Variants in GAGE10 observed in about 807,000 individuals in gnomAD.
The protein encoded by GAGE10 is G antigen 10.
In GAGE10, 9 loss-of-function variants were observed where a neutral mutation model predicts 11.5. The observed-to-expected ratio is 0.78, with a 90% CI of 0.47 to 1.37. The LOEUF (loss-of-function observed/expected upper bound fraction) is 1.37. Ranked by LOEUF, GAGE10 falls within the 40% of genes most tolerant of loss-of-function variation. The pLI, the probability that GAGE10 is intolerant of heterozygous loss-of-function variation, is 0.00. For synonymous variants in GAGE10, 23 were observed against 29.7 expected, an observed-to-expected ratio of 0.77 and a Z score of 0.73; for missense variants, 83 against 92.9, an observed-to-expected ratio of 0.89 and a Z score of 0.44.
intron 3 of GAGE10, among the ~76,000 whole-genome samples, chrX:49,313,436 C>T (rs1416389636): frequency 8.9e-6 from 1 of 111,943 alleles, no homozygotes. Flanking sequence ...AGGCCACCCC[C>T]AATTATTAAT....
intron 1 of GAGE10, 104 bp from the exon 2 acceptor site, chrX:49,304,748 G>A: frequency 4.9e-6 from 5 of 1,015,713 alleles, no homozygotes; most frequent in Non-Finnish European, 5.5e-6. Flanking sequence ...TATTTTGAAA[G>A]TATTTTCAAA....
rs184315146 is a variant in GAGE10 at position 49,304,672 on chromosome X, T to C, written c.-8-180T>C. On this transcript the variant is annotated intron_variant, in intron 1 of 4. Coordinates refer to ENST00000407599, the MANE Select transcript of GAGE10 (RefSeq NM_001098413.4). ...GCCTTAAGATGATTGCTCTGCCAGC[T>C]TGGCCAGCATAAGTGGCTTTGTAGG... is the stretch of plus-strand genomic sequence containing the variant. 9.8e-5 allele frequency among the ~76,000 whole-genome samples: 11 copies of C among 112,024 alleles called. No individual in the cohort carries two copies. The East Asian group carries it at 2.2e-3, about 23-fold the overall frequency.
intron 3 of GAGE10, among the ~76,000 whole-genome samples, chrX:49,309,881 C>T (rs782141360): frequency 1.8e-4 from 20 of 112,159 alleles, no homozygotes; most frequent in African/African-American, 5.8e-4. Context: ...CAGGTCTGGC[C>T]ATGCCGAAGT....
chrX:49,315,157 G>C (rs1656142896), intron 3 of GAGE10, among the ~76,000 whole-genome samples: 1 of 112,008 alleles, frequency 8.9e-6, no homozygotes, highest in African/African-American at 3.3e-5. Context: ...GCCTATATTG[G>C]ATCTGTGGCA....
At chrX:49,308,973 G>A (rs1258050033) in intron 3 of GAGE10, among the ~76,000 whole-genome samples, 2 of 112,379 alleles carry the variant, frequency 1.8e-5, no homozygotes, top group Non-Finnish European at 3.8e-5. Flanking sequence ...AGGCCAATGC[G>A]GGGAGTGACG....
At position 49,304,870 on chromosome X, in the gene GAGE10, G is replaced by A; in HGVS notation, c.11G>A (p.Arg4Gln). The change falls in exon 2 of 5, where the codon CGA becomes CAA. Residue 4 changes from arginine (R) to glutamine (Q), a missense_variant. Coordinates refer to ENST00000407599, the MANE Select transcript of GAGE10 (RefSeq NM_001098413.4). ...TTTTCAGTGTGAAATATGAGTTGGCGAGGAAGATCGACCTATCGGCCTAGA... is the reference window on the plus strand; with the variant it reads ...TTTTCAGTGTGAAATATGAGTTGGCAAGGAAGATCGACCTATCGGCCTAGA... The part of the protein sequence containing the change: MSW[R>Q]GRSTYRPRPR... 2.5e-6 allele frequency: 3 copies of A among 1,208,141 alleles called. No individual in the cohort carries two copies. The highest frequency in any genetic ancestry group is 2.2e-5 in the Admixed American group (1 of 46,131).
chrX:49,315,482 A>G (rs1426059404), intron 3 of GAGE10, among the ~76,000 whole-genome samples: 3 of 111,948 alleles, frequency 2.7e-5, no homozygotes, highest in Non-Finnish European at 3.8e-5. Flanking sequence ...CAACTGCGTC[A>G]TAAGGTTGCA....
At chrX:49,304,551 C>G (rs1296824564) in intron 1 of GAGE10, among the ~76,000 whole-genome samples, 2 of 111,720 alleles carry the variant, frequency 1.8e-5, no homozygotes, top group African/African-American at 3.3e-5. Context: ...CTGCAGTGAG[C>G]TGTGATCACG....
chrX:49,304,260 C>T (rs781837003), intron 1 of GAGE10, among the ~76,000 whole-genome samples: 1 of 112,207 alleles, frequency 8.9e-6, no homozygotes, highest in Admixed American at 9.4e-5. Flanking sequence ...CAAGATCTCA[C>T]CTCCGCCATG....
rs782782853 is a variant in GAGE10 at position 49,304,943 on chromosome X, G to A, written c.81+3G>A. The A allele has an allele frequency of 2.0e-5, 24 of 1,199,670 alleles. No individual in the cohort carries two copies. Among genetic ancestry groups the A allele is most frequent in the South Asian group, 1.8e-4 (10 of 55,967 alleles). The stretch of plus-strand genomic sequence containing the variant: ...CTGAAATGATTGGGCCTATGCTGGT[G>A]AGTGCTTAAACGTTAATTCGTTGTT... On this transcript the variant is annotated splice_donor_region_variant and intron_variant, in intron 2 of 4. Transcript: ENST00000407599.
chrX:49,315,521 G>A (rs1169389026), intron 3 of GAGE10, among the ~76,000 whole-genome samples: 1 of 111,705 alleles, frequency 9.0e-6, no homozygotes, highest in African/African-American at 3.3e-5. Flanking sequence ...AACCAATGAA[G>A]CATCAAGGGC....
At chrX:49,312,641 G>C (rs1411706171) in intron 3 of GAGE10, among the ~76,000 whole-genome samples, 1 of 112,594 alleles carries the variant, frequency 8.9e-6, no homozygotes, top group African/African-American at 3.2e-5. Context: ...TCCTTATAGA[G>C]CCCCCTTTAT....
chrX:49,312,241 C>T (rs1344490094), intron 3 of GAGE10, among the ~76,000 whole-genome samples: 5 of 112,365 alleles, frequency 4.4e-5, no homozygotes, highest in Non-Finnish European at 9.4e-5. Context: ...ACCCAATACT[C>T]GGTGGTTGAG....
chrX:49,316,898 A>G (rs1400467600), intron 3 of GAGE10, among the ~76,000 whole-genome samples: 1 of 111,307 alleles, frequency 9.0e-6, no homozygotes, highest in Non-Finnish European at 1.9e-5. Context: ...AAGGACAATC[A>G]GAGGTAGAAT....
intron 3 of GAGE10, among the ~76,000 whole-genome samples, chrX:49,307,786 AG>A (rs2066362790): frequency 8.9e-6 from 1 of 112,680 alleles, no homozygotes; most frequent in Non-Finnish European, 1.9e-5. Context: ...GTGATGGAAC[AG>A]GAATTAAAAG....
At chrX:49,316,505 T>C in intron 3 of GAGE10, among the ~76,000 whole-genome samples, 1 of 111,442 alleles carries the variant, frequency 9.0e-6, no homozygotes, top group East Asian at 2.8e-4. Flanking sequence ...CTCAACCCCT[T>C]GGTCTCTCTG....
At chrX:49,308,196 C>T (rs1421747986) in intron 3 of GAGE10, among the ~76,000 whole-genome samples, 2 of 112,314 alleles carry the variant, frequency 1.8e-5, no homozygotes, top group Non-Finnish European at 3.8e-5. Context: ...CTGACTAGGT[C>T]GGTGCATCTA....
In GAGE10 at chrX:49,317,159, T is replaced by C; in HGVS notation, c.203-4T>C. 1.7e-6 allele frequency: 2 copies of C among 1,200,994 alleles called. No individual in the cohort carries two copies. On this transcript the variant is annotated splice_polypyrimidine_tract_variant and splice_region_variant and intron_variant, in intron 3 of 4. Coordinates refer to ENST00000407599, the MANE Select transcript of GAGE10 (RefSeq NM_001098413.4). ...TAAATTGATATGTATTTTTTATTTT[T>C]AATGGCCGAAGCCTGAAGCTGATAG...
chrX:49,314,944 G>T (rs782168723), intron 3 of GAGE10, among the ~76,000 whole-genome samples: 1 of 112,190 alleles, frequency 8.9e-6, no homozygotes, highest in African/African-American at 3.2e-5. Context: ...TGTATTGCCC[G>T]TTGGGGAAAG....
Sources: allele counts gnomAD v4.1 joint callset (sites outside exome capture counted in the v4.1 genomes callset), GRCh38; gene constraint gnomAD v4.1.1; transcripts MANE v1.5; gene names NCBI Gene and HGNC (gene_info 2026-07-23, HGNC 2026-07-21).